Variants in DSCAM observed in about 807,000 individuals in gnomAD.
DSCAM encodes the protein cell adhesion molecule DSCAM.
In DSCAM, 47 loss-of-function variants were observed where a neutral mutation model predicts 217.7. The observed-to-expected ratio is 0.22, with a 90% CI of 0.17 to 0.28. The LOEUF (loss-of-function observed/expected upper bound fraction) is 0.28. Among genes scored for constraint, DSCAM ranks in the 10% least tolerant of loss-of-function variants. The probability of loss-of-function intolerance (pLI) is 1.00; values close to 1 mark genes in which losing one functional copy is unlikely to be tolerated. For synonymous variants in DSCAM, 1,056 were observed against 1,015.3 expected (o/e 1.04, Z -0.76); for missense variants, 2,080 against 2,618.3 (o/e 0.79, Z 4.49).
chr21:40,133,751 G>C, intron 19 of DSCAM, 103 bp downstream of exon 19: 1 of 1,389,364 alleles, frequency 7.2e-7, no homozygotes, highest in Non-Finnish European at 9.6e-7. Flanking sequence ...GCAAAGGTTT[G>C]CACTGAGAAT....
At chr21:40,400,315 A>G (rs914003546) in intron 3 of DSCAM, among the ~76,000 whole-genome samples, 2 of 152,226 alleles carry the variant, frequency 1.3e-5, no homozygotes, top group Non-Finnish European at 2.9e-5. Context: ...TATTTTCCAA[A>G]ACAAAAAAAT....
intron 1 of DSCAM, among the ~76,000 whole-genome samples, chr21:40,709,301 T>C (rs1207034601): frequency 6.6e-6 from 1 of 152,216 alleles, no homozygotes; most frequent in Non-Finnish European, 1.5e-5. Flanking sequence ...GCAATGAAAT[T>C]TGCCACATTT....
rs142582140 is a variant in DSCAM, at chr21:40,433,239, C to T, written c.509-63994G>A. ...CGGGCATGGTAGGTAGTCCCAGCTACGCGGGAGGCTGAGGCAGAAGAATTG... is the reference window on the plus strand; with the variant it reads ...CGGGCATGGTAGGTAGTCCCAGCTATGCGGGAGGCTGAGGCAGAAGAATTG... On this transcript the variant is annotated intron_variant, in intron 3 of 32. Coordinates refer to ENST00000400454, the MANE Select transcript of DSCAM (RefSeq NM_001389.5). 4.0e-3 allele frequency among the ~76,000 whole-genome samples: 605 copies of T among 151,280 alleles called. 1 individual carries two copies. Among genetic ancestry groups the T allele is most frequent in the African/African-American group, 0.014 (590 of 41,196 alleles).
intron 6 of DSCAM, among the ~76,000 whole-genome samples, 178 bp from the exon 7 acceptor site, chr21:40,339,593 AGGTAAG>A (rs1208114418): frequency 6.6e-6 from 1 of 152,238 alleles, no homozygotes; most frequent in Non-Finnish European, 1.5e-5. Context: ...TTTTCAAAAC[AGGTAAG>A]CACAGTGTTA....
chr21:40,813,122 G>A (rs982649434), intron 1 of DSCAM, among the ~76,000 whole-genome samples: 17 of 152,140 alleles, frequency 1.1e-4, no homozygotes, highest in Non-Finnish European at 2.1e-4. Context: ...AAGCTCATGC[G>A]CATAAAAGTG....
At chr21:40,303,984 C>T (rs1379048306) in intron 9 of DSCAM, among the ~76,000 whole-genome samples, 1 of 152,182 alleles carries the variant, frequency 6.6e-6, no homozygotes, top group East Asian at 1.9e-4. Flanking sequence ...AAGCAAAGGG[C>T]AGGAGTGCTC....
rs183698378 is a variant in DSCAM, at chr21:40,619,375, A to G, written c.508+73435T>C. Among the ~76,000 whole-genome samples the G allele has an allele frequency of 5.7e-4, 87 of 152,324 alleles. 1 individual carries two copies. The highest frequency in any genetic ancestry group is 1.3e-4 in the Non-Finnish European group (9 of 68,020). On this transcript the variant is annotated intron_variant, in intron 3 of 32. Coordinates refer to ENST00000400454, the MANE Select transcript of DSCAM (RefSeq NM_001389.5). Reference sequence around the variant, plus strand: ...TTACATTATTTTGAATTTAATTACTAAGGAACATTCCTCCAGCTAGACAGA... The same window carrying G: ...TTACATTATTTTGAATTTAATTACTGAGGAACATTCCTCCAGCTAGACAGA...
intron 11 of DSCAM, among the ~76,000 whole-genome samples, chr21:40,201,472 A>T (rs1040922129): frequency 6.6e-6 from 1 of 151,456 alleles, no homozygotes; most frequent in South Asian, 2.1e-4. Context: ...ACGGAGTTTC[A>T]CTCTTGTTGA....
intron 27 of DSCAM, among the ~76,000 whole-genome samples, chr21:40,066,909 G>C (rs2089214487): frequency 2.0e-5 from 3 of 152,254 alleles, no homozygotes; most frequent in African/African-American, 7.2e-5. Flanking sequence ...ACTTATTTCA[G>C]TCTATAATGT....
At chr21:40,763,125 T>C (rs183667938) in intron 1 of DSCAM, among the ~76,000 whole-genome samples, 38 of 152,254 alleles carry the variant, frequency 2.5e-4, no homozygotes, top group African/African-American at 8.4e-4. Context: ...ATAAAGGGCA[T>C]TCAAATAGGA....
intron 8 of DSCAM, among the ~76,000 whole-genome samples, chr21:40,314,207 A>G (rs776469974): frequency 2.6e-4 from 40 of 152,204 alleles, no homozygotes; most frequent in Middle Eastern, 3.2e-3. Context: ...TATTATCACT[A>G]TGACGGCTGT....
At chr21:40,770,543 T>A (rs1332746103) in intron 1 of DSCAM, among the ~76,000 whole-genome samples, 1 of 152,244 alleles carries the variant, frequency 6.6e-6, no homozygotes, top group African/African-American at 2.4e-5. Context: ...AAATTGCTGA[T>A]AACGGCCAAG....
intron 11 of DSCAM, among the ~76,000 whole-genome samples, chr21:40,207,544 C>T (rs1601441401): frequency 1.3e-5 from 2 of 152,296 alleles, no homozygotes; most frequent in Non-Finnish European, 1.5e-5. Context: ...AAGGATGGCT[C>T]ATTGCAATCT....
chr21:40,264,161 C>T (rs1178552329), intron 11 of DSCAM, among the ~76,000 whole-genome samples: 1 of 152,096 alleles, frequency 6.6e-6, no homozygotes, highest in East Asian at 1.9e-4. Context: ...TGAAATTATT[C>T]CAAAAGACAG....
At chr21:40,301,261 C>T (rs1423198483) in intron 9 of DSCAM, among the ~76,000 whole-genome samples, 2 of 152,206 alleles carry the variant, frequency 1.3e-5, no homozygotes, top group Non-Finnish European at 2.9e-5. Context: ...GACTTCCTTG[C>T]TTAAAAGCAT....
At chr21:40,301,608 G>T (rs2837566) in intron 9 of DSCAM, among the ~76,000 whole-genome samples, 2 of 128,656 alleles carry the variant, frequency 1.6e-5, no homozygotes, top group African/African-American at 7.7e-5. Flanking sequence ...CCTTTATTAC[G>T]CTCATCTGGT....
intron 3 of DSCAM, among the ~76,000 whole-genome samples, chr21:40,682,645 AAGGG>A (rs2090417481): frequency 1.8e-5 from 1 of 56,554 alleles, no homozygotes; most frequent in African/African-American, 5.7e-5. Flanking sequence ...AAGAAAGAGG[AAGGG>A]AAGGGAAGGG....
At chr21:40,647,502 T>C (rs1276050976) in intron 3 of DSCAM, among the ~76,000 whole-genome samples, 3 of 132,450 alleles carry the variant, frequency 2.3e-5, no homozygotes, top group Non-Finnish European at 3.4e-5. Flanking sequence ...ATTAAATAAG[T>C]TTAATGGACC....
intron 2 of DSCAM, among the ~76,000 whole-genome samples, chr21:40,705,966 G>A (rs1421242720): frequency 1.3e-5 from 2 of 152,224 alleles, no homozygotes; most frequent in East Asian, 3.9e-4. Context: ...AGATCACGAG[G>A]TCAGGAGATG....
Sources: allele counts gnomAD v4.1 joint callset (sites outside exome capture counted in the v4.1 genomes callset), GRCh38; gene constraint gnomAD v4.1.1; transcripts MANE v1.5; gene names NCBI Gene and HGNC (gene_info 2026-07-23, HGNC 2026-07-21).